The following ZFHX3 variants were observed in gnomAD, a reference collection of about 807,000 sequenced individuals.
The protein encoded by ZFHX3 is zinc finger homeobox 3, also known as zinc finger homeobox protein 3.
A neutral mutation model predicts 279.1 loss-of-function variants in ZFHX3; 42 were observed. The ratio of observed to expected loss-of-function variants is 0.15; its 90% CI spans 0.12 to 0.19. ZFHX3 has a LOEUF of 0.19. ZFHX3 is among the 10% of genes least tolerant of loss of function. The probability of loss-of-function intolerance (pLI) is 1.00; values close to 1 mark genes in which losing one functional copy is unlikely to be tolerated. For missense variants in ZFHX3, 4,981 were observed against 4,754.0 expected (o/e 1.05, Z -1.40); for synonymous variants, 2,293 against 1,957.8 (o/e 1.17, Z -4.52).
intron 2 of ZFHX3, among the ~76,000 whole-genome samples, chr16:73,572,083 G>A (rs750795081): frequency 2.0e-5 from 3 of 150,270 alleles, no homozygotes; most frequent in Non-Finnish European, 4.4e-5. Context: ...ACCCAGGCAG[G>A]ATTTGAGGAG....
At chr16:73,093,202 G>T (rs771607001) in intron 8 of ZFHX3, 25 of 519,684 alleles carry the variant, frequency 4.8e-5, no homozygotes, top group Non-Finnish European at 8.5e-5. Flanking sequence ...ACGACCACGC[G>T]CATGCAGAGG....
intron 2 of ZFHX3, among the ~76,000 whole-genome samples, chr16:73,606,234 G>A (rs927631894): frequency 4.1e-5 from 6 of 146,278 alleles, no homozygotes; most frequent in South Asian, 2.2e-4. Context: ...CTAGGCTGGC[G>A]TGGTGGCTCA....
chr16:73,314,074 G>A (rs774289295), intron 4 of ZFHX3, among the ~76,000 whole-genome samples: 2 of 152,160 alleles, frequency 1.3e-5, no homozygotes, highest in African/African-American at 4.8e-5. Context: ...ACTCCAGCCT[G>A]GGCAACAGAG....
chr16:72,891,207 T>C (rs931186235), intron 3 of ZFHX3, among the ~76,000 whole-genome samples: 8 of 152,186 alleles, frequency 5.3e-5, no homozygotes, highest in African/African-American at 9.7e-5. Flanking sequence ...CATTGGTCAG[T>C]TGGTGTATCA....
At chr16:73,164,807 G>C (rs1434880538) in intron 5 of ZFHX3, among the ~76,000 whole-genome samples, 2 of 151,798 alleles carry the variant, frequency 1.3e-5, no homozygotes, top group Non-Finnish European at 2.9e-5. Flanking sequence ...AATGCTTTAT[G>C]TGTTTAATCC....
chr16:73,437,352 T>C (rs903772569), intron 3 of ZFHX3, among the ~76,000 whole-genome samples: 3 of 152,172 alleles, frequency 2.0e-5, no homozygotes, highest in Non-Finnish European at 4.4e-5. Context: ...CTACAAAAAG[T>C]ATTATACCAA....
upstream of ZFHX3, among the ~76,000 whole-genome samples, chr16:73,049,487 T>C (rs1965410523): frequency 6.6e-6 from 1 of 152,236 alleles, no homozygotes; most frequent in African/African-American, 2.4e-5. Context: ...AGAAGGCTTT[T>C]TGCACAATGT....
At chr16:73,156,251 A>C (rs1414923228) in intron 5 of ZFHX3, among the ~76,000 whole-genome samples, 1 of 145,938 alleles carries the variant, frequency 6.9e-6, no homozygotes, top group African/African-American at 2.5e-5. Flanking sequence ...AAAAAAAAAA[A>C]GACTATATAT....
intron 3 of ZFHX3, among the ~76,000 whole-genome samples, chr16:73,431,657 G>C (rs2017914122): frequency 6.6e-6 from 1 of 152,062 alleles, no homozygotes; most frequent in Admixed American, 6.5e-5. Context: ...TTATTATTTA[G>C]AATAATGATG....
intron 2 of ZFHX3, among the ~76,000 whole-genome samples, chr16:73,585,410 A>G (rs951482070): frequency 2.0e-5 from 3 of 152,194 alleles, no homozygotes; most frequent in Admixed American, 6.5e-5. Context: ...GCGAGACACC[A>G]TCTCAAAAAA....
intron 3 of ZFHX3, among the ~76,000 whole-genome samples, chr16:72,926,627 C>G (rs1959461237): frequency 6.6e-6 from 1 of 152,182 alleles, no homozygotes; most frequent in Admixed American, 6.5e-5. Context: ...AATTGCTCAG[C>G]ACGTGGGAGA....
At chr16:73,726,051 G>C (rs2053515839) in intron 1 of ZFHX3, among the ~76,000 whole-genome samples, 1 of 152,170 alleles carries the variant, frequency 6.6e-6, no homozygotes, top group Admixed American at 6.5e-5. Context: ...ACCAACCTTG[G>C]GGGCACCCAA....
chr16:73,355,535 G>A (rs1397117605), intron 3 of ZFHX3, among the ~76,000 whole-genome samples: 1 of 152,092 alleles, frequency 6.6e-6, no homozygotes, highest in Non-Finnish European at 1.5e-5. Flanking sequence ...GCAGGAGCTG[G>A]GATGGTCTGC....
At chr16:72,915,493 A>G (rs943438883) in intron 3 of ZFHX3, among the ~76,000 whole-genome samples, 1 of 152,220 alleles carries the variant, frequency 6.6e-6, no homozygotes, top group Non-Finnish European at 1.5e-5. Flanking sequence ...GGCTACGTGC[A>G]GTGGCTCACA....
At chr16:73,142,565 A>G (rs905311278) in intron 6 of ZFHX3, among the ~76,000 whole-genome samples, 8 of 152,242 alleles carry the variant, frequency 5.3e-5, no homozygotes, top group South Asian at 2.1e-4. Flanking sequence ...CAGTAGTCAC[A>G]TAAAGCAGTG....
intron 2 of ZFHX3, among the ~76,000 whole-genome samples, chr16:73,559,535 T>C (rs1248812692): frequency 6.6e-6 from 1 of 152,146 alleles, no homozygotes; most frequent in Non-Finnish European, 1.5e-5. Context: ...TAATGAGTTG[T>C]CAGAAGAGCG....
intron 1 of ZFHX3, among the ~76,000 whole-genome samples, chr16:73,022,271 A>T (rs933316218): frequency 6.6e-6 from 1 of 152,174 alleles, no homozygotes; most frequent in African/African-American, 2.4e-5. Flanking sequence ...GGAAGCCCCA[A>T]GGCTGGAAGC....
chr16:73,413,981 AC>A (rs1233963765), intron 3 of ZFHX3, among the ~76,000 whole-genome samples: 2 of 152,228 alleles, frequency 1.3e-5, no homozygotes, highest in African/African-American at 4.8e-5. Context: ...AAATCCCAAC[AC>A]CCATACAAAT....
chr16:73,849,534 G>A (rs1160575030), intron 1 of ZFHX3, among the ~76,000 whole-genome samples: 2 of 152,144 alleles, frequency 1.3e-5, no homozygotes, highest in Admixed American at 1.3e-4. Context: ...AGATAACAGG[G>A]CCTCCAGGTT....
Sources: allele counts gnomAD v4.1 joint callset (sites outside exome capture counted in the v4.1 genomes callset), GRCh38; gene constraint gnomAD v4.1.1; transcripts MANE v1.5; gene names NCBI Gene and HGNC (gene_info 2026-07-23, HGNC 2026-07-21).